Variants in NUBPL observed in about 807,000 individuals in gnomAD.
The protein encoded by NUBPL is iron-sulfur cluster transfer protein NUBPL.
A neutral mutation model predicts 45.7 loss-of-function variants in NUBPL; 31 were observed. The ratio of observed to expected loss-of-function variants is 0.68; its 90% CI spans 0.51 to 0.92. NUBPL has a LOEUF of 0.92. Among genes scored for constraint, NUBPL ranks in the 40% least tolerant of loss-of-function variants. The probability of loss-of-function intolerance (pLI) is 0.00; values close to 1 mark genes in which losing one functional copy is unlikely to be tolerated. For synonymous variants in NUBPL, 144 were observed against 140.9 expected, an observed-to-expected ratio of 1.02 and a Z score of -0.15; for missense variants, 401 against 398.7, an observed-to-expected ratio of 1.01 and a Z score of -0.05.
intron 4 of NUBPL, among the ~76,000 whole-genome samples, chr14:31,627,945 G>GA (rs1479572478): frequency 6.6e-6 from 1 of 151,972 alleles, no homozygotes; most frequent in African/African-American, 2.4e-5. Context: ...ACTATTTTCT[G>GA]AAAAAACAGT....
chr14:31,806,794 C>T (rs1301444153), intron 7 of NUBPL, among the ~76,000 whole-genome samples: 1 of 152,148 alleles, frequency 6.6e-6, no homozygotes, highest in Non-Finnish European at 1.5e-5. Context: ...ACGACAGGCC[C>T]AGGTATGTGA....
intron 7 of NUBPL, among the ~76,000 whole-genome samples, chr14:31,812,495 A>G (rs1350487847): frequency 6.6e-6 from 1 of 152,224 alleles, no homozygotes; most frequent in African/African-American, 2.4e-5. Context: ...TTGGAAAAGC[A>G]CAGTGTTTAG....
intron 6 of NUBPL, among the ~76,000 whole-genome samples, chr14:31,735,851 T>TA (rs1220200292): frequency 6.6e-6 from 1 of 151,988 alleles, no homozygotes; most frequent in Non-Finnish European, 1.5e-5. Flanking sequence ...GACTCTGTCT[T>TA]AAAAAAAATC....
At chr14:31,692,525 C>T (rs1366859148) in intron 6 of NUBPL, among the ~76,000 whole-genome samples, 1 of 152,216 alleles carries the variant, frequency 6.6e-6, no homozygotes. Flanking sequence ...GTTCAATCTT[C>T]AGTATCCCCA....
chr14:31,855,260 G>A (rs1021369841), intron 10 of NUBPL, among the ~76,000 whole-genome samples: 9 of 152,168 alleles, frequency 5.9e-5, no homozygotes, highest in Non-Finnish European at 8.8e-5. Context: ...CATTTGATTT[G>A]AGAGAAACCT....
rs190360072 is a variant in NUBPL, at chr14:31,663,125, A to G, written c.383-10230A>G. Among the ~76,000 whole-genome samples the G allele has an allele frequency of 2.5e-4, 38 of 152,260 alleles. No homozygotes were observed. The East Asian group carries it at 6.2e-3, about 25-fold the overall frequency. ...GTAAATTTGTTTAAGTTCCTTGTAC[A>G]TTCTGTTTATTAGACCTTTGTCAGA... On this transcript the variant is annotated intron_variant, in intron 4 of 10. Coordinates refer to ENST00000281081, the MANE Select transcript of NUBPL (RefSeq NM_025152.3).
At chr14:31,673,330 A>G in intron 4 of NUBPL, 25 bp from the exon 5 acceptor site, 1 of 1,561,098 alleles carries the variant, frequency 6.4e-7, no homozygotes, top group South Asian at 1.2e-5. Context: ...ATTGTTCTAA[A>G]AGAGAGGATT....
intron 8 of NUBPL, among the ~76,000 whole-genome samples, chr14:31,831,475 TACCATACCATACC>T (rs1182060737): frequency 3.3e-5 from 5 of 149,630 alleles, no homozygotes; most frequent in Non-Finnish European, 7.4e-5. Context: ...TACTATACCA[TACCATACCATACC>T]ATACCATACC....
intron 7 of NUBPL, among the ~76,000 whole-genome samples, chr14:31,797,690 C>T (rs1410423051): frequency 3.5e-5 from 5 of 141,126 alleles, no homozygotes; most frequent in Non-Finnish European, 6.0e-5. Flanking sequence ...CTTTATCCAA[C>T]TTGCCAGTCT....
At chr14:31,642,851 T>A (rs564238966) in intron 4 of NUBPL, among the ~76,000 whole-genome samples, 1 of 152,308 alleles carries the variant, frequency 6.6e-6, no homozygotes, top group East Asian at 1.9e-4. Flanking sequence ...TTTATGGTTT[T>A]CCTTGAATAG....
chr14:31,738,330 A>G (rs1331977085), intron 6 of NUBPL, among the ~76,000 whole-genome samples: 2 of 152,210 alleles, frequency 1.3e-5, no homozygotes, highest in African/African-American at 4.8e-5. Flanking sequence ...TCTTCACCAG[A>G]GGCTACAACC....
chr14:31,677,953 A>G (rs1370757189), intron 6 of NUBPL, among the ~76,000 whole-genome samples: 1 of 152,220 alleles, frequency 6.6e-6, no homozygotes, highest in Non-Finnish European at 1.5e-5. Context: ...GACTGGAGTC[A>G]GAAACCTTAG....
intron 10 of NUBPL, 77 bp downstream of exon 10, chr14:31,850,278 T>G (rs1432596766): frequency 2.6e-6 from 3 of 1,141,652 alleles, no homozygotes; most frequent in African/African-American, 1.5e-5. Context: ...TTGGGAAGAT[T>G]AAGCGTTTAT....
At chr14:31,804,935 G>T (rs2039656537) in intron 7 of NUBPL, among the ~76,000 whole-genome samples, 1 of 152,006 alleles carries the variant, frequency 6.6e-6, no homozygotes, top group Non-Finnish European at 1.5e-5. Context: ...TTGGCAAAAG[G>T]GATCTAATTA....
chr14:31,619,593 T>G (rs981340178), intron 4 of NUBPL, among the ~76,000 whole-genome samples: 1 of 152,186 alleles, frequency 6.6e-6, no homozygotes, highest in Non-Finnish European at 1.5e-5. Flanking sequence ...CTTTTCTTTA[T>G]GAATGTTGAA....
At chr14:31,856,167 G>A (rs1462142744) in intron 10 of NUBPL, among the ~76,000 whole-genome samples, 1 of 152,154 alleles carries the variant, frequency 6.6e-6, no homozygotes, top group Non-Finnish European at 1.5e-5. Context: ...GGAGGAAGGT[G>A]AATGGCAAGG....
chr14:31,810,211 G>A (rs2039773126), intron 7 of NUBPL, among the ~76,000 whole-genome samples: 2 of 152,268 alleles, frequency 1.3e-5, no homozygotes, highest in South Asian at 2.1e-4. Context: ...AATGTTGACA[G>A]TGGGGTGTTA....
At chr14:31,846,103 A>G (rs1265703218) in intron 8 of NUBPL, 5 of 300,550 alleles carry the variant, frequency 1.7e-5, no homozygotes, top group Non-Finnish European at 3.2e-5. Context: ...TTATTTTGCT[A>G]CCTTGGCTTG....
intron 7 of NUBPL, 50 bp from the exon 8 acceptor site, chr14:31,826,579 T>C (rs1405370168): frequency 6.6e-7 from 1 of 1,522,460 alleles, no homozygotes; most frequent in Non-Finnish European, 9.1e-7. Flanking sequence ...TGGAAGTAAT[T>C]TCTCCATAGA....
Sources: allele counts gnomAD v4.1 joint callset (sites outside exome capture counted in the v4.1 genomes callset), GRCh38; gene constraint gnomAD v4.1.1; transcripts MANE v1.5; gene names NCBI Gene and HGNC (gene_info 2026-07-23, HGNC 2026-07-21).